AOAH: variants seen among roughly 807,000 people sequenced by gnomAD.
AOAH encodes the protein acyloxyacyl hydrolase (neutrophil).
A neutral mutation model predicts 92.2 loss-of-function variants in AOAH; 64 were observed. The ratio of observed to expected loss-of-function variants is 0.69; its 90% confidence interval spans 0.57 to 0.86. AOAH has a LOEUF of 0.86. Among genes scored for constraint, AOAH ranks in the 40% least tolerant of loss-of-function variants. The pLI, the probability that AOAH is intolerant of heterozygous loss-of-function variation, is 0.00. For missense variants in AOAH, 656 were observed against 694.6 expected, an observed-to-expected ratio of 0.94 and a Z score of 0.62; for synonymous variants, 263 against 254.5, an observed-to-expected ratio of 1.03 and a Z score of -0.32.
chr7:36,694,088 A>G (rs900384659), intron 1 of AOAH, among the ~76,000 whole-genome samples: 4 of 152,166 alleles, frequency 2.6e-5, no homozygotes, highest in Admixed American at 2.0e-4. Flanking sequence ...ATACTACCTG[A>G]CTTATAAAAA....
intron 1 of AOAH, among the ~76,000 whole-genome samples, chr7:36,718,982 A>T (rs1799444364): frequency 6.6e-6 from 1 of 152,218 alleles, no homozygotes. Flanking sequence ...ATATGGGAAA[A>T]ATATTTTACC....
At chr7:36,651,285 G>T (rs1197294661) in intron 4 of AOAH, among the ~76,000 whole-genome samples, 1 of 152,178 alleles carries the variant, frequency 6.6e-6, no homozygotes, top group Non-Finnish European at 1.5e-5. Context: ...ATAAATATTT[G>T]TTGGCTGATA....
intron 1 of AOAH, among the ~76,000 whole-genome samples, chr7:36,704,571 G>A (rs953013368): frequency 2.0e-5 from 3 of 152,088 alleles, no homozygotes; most frequent in Non-Finnish European, 2.9e-5. Context: ...ACAAAGAGGA[G>A]GAGCTGGTAC....
At chr7:36,688,764 A>T (rs1334225814) in intron 1 of AOAH, among the ~76,000 whole-genome samples, 1 of 151,852 alleles carries the variant, frequency 6.6e-6, no homozygotes, top group Non-Finnish European at 1.5e-5. Flanking sequence ...CCTGGGTTGG[A>T]GAATAAAGGC....
chr7:36,517,190 C>CTTTCTTTCTT (rs1783789592), intron 20 of AOAH, among the ~76,000 whole-genome samples: 2 of 65,806 alleles, frequency 3.0e-5, no homozygotes, highest in Admixed American at 4.1e-4. Flanking sequence ...TTCTTTCTTT[C>CTTTCTTTCTT]TTTCTTTCTT....
At chr7:36,548,826 G>A (rs1023912633) in intron 14 of AOAH, 140 bp from the exon 15 acceptor site, 1 of 648,754 alleles carries the variant, frequency 1.5e-6, no homozygotes, top group Non-Finnish European at 2.7e-6. Context: ...TTTCATTCTA[G>A]TACAGCCAAC....
intron 13 of AOAH, among the ~76,000 whole-genome samples, chr7:36,560,492 A>T (rs1371570988): frequency 3.3e-5 from 5 of 151,896 alleles, no homozygotes; most frequent in African/African-American, 4.8e-5. Context: ...TTTTCTTGGG[A>T]TATTGTAAAT....
Position 36,695,332 on chromosome 7 carries a change from T to A in AOAH, c.128-8538A>T, listed in dbSNP as rs1008170556. 3.9e-5 allele frequency among the ~76,000 whole-genome samples: 6 copies of A among 152,220 alleles called. 1 individual carries two copies. The highest frequency in any genetic ancestry group is 1.4e-4 in the African/African-American group (6 of 41,466). ...AAAGCAAATTCTACTTTATCAAACA[T>A]AACTTATTAAATATGTTTCTTAATA... On this transcript the variant is annotated intron_variant, in intron 1 of 20. Transcript: ENST00000617537.
intron 3 of AOAH, among the ~76,000 whole-genome samples, chr7:36,669,536 C>A (rs529802996): frequency 2.6e-5 from 4 of 152,148 alleles, no homozygotes; most frequent in African/African-American, 9.6e-5. Context: ...GCACTCACCA[C>A]CATGCCTGGC....
chr7:36,603,441 C>G (rs1790746399), intron 11 of AOAH, among the ~76,000 whole-genome samples: 1 of 152,196 alleles, frequency 6.6e-6, no homozygotes, highest in South Asian at 2.1e-4. Context: ...GCCTTCCTCG[C>G]CTGCCCCGGC....
intron 11 of AOAH, among the ~76,000 whole-genome samples, chr7:36,599,183 T>C (rs1456685460): frequency 6.6e-6 from 1 of 152,222 alleles, no homozygotes. Flanking sequence ...TGTGTGTGTG[T>C]ATTTCCATGC....
At chr7:36,579,221 C>T (rs1788742846) in intron 12 of AOAH, among the ~76,000 whole-genome samples, 1 of 152,084 alleles carries the variant, frequency 6.6e-6, no homozygotes. Context: ...CCAGCTGTCC[C>T]TTCCCAGGCA....
chr7:36,528,890 A>C (rs1450169668), intron 19 of AOAH, among the ~76,000 whole-genome samples: 5 of 152,184 alleles, frequency 3.3e-5, no homozygotes, highest in African/African-American at 1.2e-4. Context: ...TAATGGGCAT[A>C]GAGATGACCT....
intron 3 of AOAH, among the ~76,000 whole-genome samples, chr7:36,660,720 C>T (rs907034004): frequency 6.6e-6 from 1 of 152,210 alleles, no homozygotes; most frequent in African/African-American, 2.4e-5. Flanking sequence ...TAGTTTACAT[C>T]TAGATTCAAC....
chr7:36,674,048 T>C (rs1356862943), intron 2 of AOAH, 39 bp from the exon 3 acceptor site: 18 of 1,250,838 alleles, frequency 1.4e-5, no homozygotes, highest in Non-Finnish European at 2.0e-5. Context: ...ATATTTTTAT[T>C]GCGACGAATT....
At chr7:36,526,761 T>C (rs1347996782) in intron 19 of AOAH, among the ~76,000 whole-genome samples, 1 of 152,166 alleles carries the variant, frequency 6.6e-6, no homozygotes, top group Non-Finnish European at 1.5e-5. Flanking sequence ...AAAGATGTAA[T>C]AGAAACAAGG....
intron 20 of AOAH, among the ~76,000 whole-genome samples, chr7:36,517,212 T>TTC (rs1554360962): frequency 7.1e-3 from 150 of 21,158 alleles, no homozygotes; most frequent in African/African-American, 0.015. Context: ...CTTTCTTTCT[T>TTC]TCTCTTTCTT....
chr7:36,663,541 G>A (rs984323438), intron 3 of AOAH, among the ~76,000 whole-genome samples: 3 of 152,138 alleles, frequency 2.0e-5, no homozygotes, highest in South Asian at 2.1e-4. Flanking sequence ...CCTTTTCCAG[G>A]ATGTCATATA....
At chr7:36,660,939 T>A (rs1382222870) in intron 3 of AOAH, 2 of 152,226 alleles carry the variant, frequency 1.3e-5, no homozygotes, top group Non-Finnish European at 2.9e-5. Context: ...GTATAAACTC[T>A]TATTACATTT....
Sources: gnomAD v4.1 joint callset for allele counts (sites outside exome capture counted in the v4.1 genomes callset) on GRCh38, gnomAD v4.1.1 for gene constraint, MANE v1.5 for transcripts, NCBI Gene and HGNC (gene_info 2026-07-23, HGNC 2026-07-21) for gene names.